Variants in AFTPH observed in about 807,000 individuals in gnomAD.
AFTPH encodes aftiphilin.
In AFTPH, 7 loss-of-function variants were observed where a neutral mutation model predicts 72.5. That is an observed-to-expected ratio of 0.10 (90% CI 0.05 to 0.18). The LOEUF (loss-of-function observed/expected upper bound fraction) is 0.18, where lower values mean the gene tolerates loss of function less well. Among genes scored for constraint, AFTPH ranks in the 10% least tolerant of loss-of-function variants. The probability of loss-of-function intolerance (pLI) is 1.00; values close to 1 mark genes in which losing one functional copy is unlikely to be tolerated. For missense variants in AFTPH, 979 were observed against 1,060.5 expected, an observed-to-expected ratio of 0.92 and a Z score of 1.07; for synonymous variants, 337 against 370.1, an observed-to-expected ratio of 0.91 and a Z score of 1.03.
chr2:64,533,485 A>G (rs1669736319), intron 1 of AFTPH, among the ~76,000 whole-genome samples: 2 of 152,190 alleles, frequency 1.3e-5, no homozygotes, highest in South Asian at 2.1e-4. Flanking sequence ...TTAAAACCCC[A>G]TTTGTGATTT....
At chr2:64,537,069 T>C (rs746489241) in intron 1 of AFTPH, among the ~76,000 whole-genome samples, 1 of 152,204 alleles carries the variant, frequency 6.6e-6, no homozygotes, top group Non-Finnish European at 1.5e-5. Context: ...TTCTCTTTTT[T>C]AATGGCTGCA....
chr2:64,543,433 T>G (rs1670378410), intron 1 of AFTPH, among the ~76,000 whole-genome samples: 1 of 152,230 alleles, frequency 6.6e-6, no homozygotes, highest in South Asian at 2.1e-4. Flanking sequence ...GTTTCTTGTT[T>G]AAAACATTTA....
chr2:64,536,973 A>AAAG (rs1162264614), intron 1 of AFTPH, among the ~76,000 whole-genome samples: 8 of 133,388 alleles, frequency 6.0e-5, no homozygotes, highest in East Asian at 4.1e-4. Context: ...AAAAAAAAAA[A>AAAG]AAGAAGAAGA....
At chr2:64,591,457 A>G (rs1673819160) in intron 8 of AFTPH, among the ~76,000 whole-genome samples, 1 of 152,248 alleles carries the variant, frequency 6.6e-6, no homozygotes, top group South Asian at 2.1e-4. Context: ...CCCTGGGCAC[A>G]CTTTGTTTCA....
chr2:64,540,629 A>G (rs7601655), intron 1 of AFTPH, among the ~76,000 whole-genome samples: 79,690 of 151,974 alleles, frequency 0.52, 23,873 homozygotes, highest in African/African-American at 0.84. Flanking sequence ...CGTGTGTTGC[A>G]GCTCATGTAA....
intron 2 of AFTPH, among the ~76,000 whole-genome samples, chr2:64,556,250 A>G (rs924625014): frequency 6.6e-6 from 1 of 152,144 alleles, no homozygotes; most frequent in African/African-American, 2.4e-5. Context: ...GGCCTCCCAA[A>G]GTGCTGGGAT....
intron 1 of AFTPH, among the ~76,000 whole-genome samples, chr2:64,547,116 T>G (rs1670690026): frequency 6.6e-6 from 1 of 152,198 alleles, no homozygotes; most frequent in African/African-American, 2.4e-5. Flanking sequence ...GATACATTGC[T>G]GCTATAGTGA....
intron 2 of AFTPH, among the ~76,000 whole-genome samples, chr2:64,556,015 T>G (rs1671347405): frequency 6.6e-6 from 1 of 150,752 alleles, no homozygotes; most frequent in Admixed American, 6.6e-5. Flanking sequence ...GGAGACAGAA[T>G]CTTGCTCTGT....
At chr2:64,555,554 G>GTCTC in intron 2 of AFTPH, among the ~76,000 whole-genome samples, 1 of 118,166 alleles carries the variant, frequency 8.5e-6, no homozygotes, top group African/African-American at 3.8e-5. Context: ...GAGAGAGACT[G>GTCTC]TCACACACAC....
At chr2:64,551,355 T>C in intron 1 of AFTPH, 88 bp from the exon 2 acceptor site, 1 of 1,028,254 alleles carries the variant, frequency 9.7e-7, no homozygotes, top group Non-Finnish European at 1.4e-6. Context: ...TAAATTTGCA[T>C]TGTTTTAAAG....
At chr2:64,540,996 C>A (rs1422421888) in intron 1 of AFTPH, among the ~76,000 whole-genome samples, 1 of 152,090 alleles carries the variant, frequency 6.6e-6, no homozygotes, top group African/African-American at 2.4e-5. Context: ...TCAATCACGT[C>A]TAATATTTTA....
At chr2:64,540,409 A>C (rs1370809994) in intron 1 of AFTPH, among the ~76,000 whole-genome samples, 6 of 152,198 alleles carry the variant, frequency 3.9e-5, no homozygotes, top group Non-Finnish European at 8.8e-5. Flanking sequence ...TGATATGATG[A>C]GTTAAAGGTA....
At chr2:64,565,509 A>G (rs1461141121) in intron 2 of AFTPH, among the ~76,000 whole-genome samples, 1 of 146,766 alleles carries the variant, frequency 6.8e-6, no homozygotes, top group African/African-American at 2.5e-5. Flanking sequence ...TGTTCATTCT[A>G]TTAGTTGCTG....
chr2:64,553,530 A>G, intron 2 of AFTPH, 121 bp downstream of exon 2: 1 of 1,060,934 alleles, frequency 9.4e-7, no homozygotes, highest in Non-Finnish European at 1.3e-6. Flanking sequence ...GTTATGATGT[A>G]TAATGCCTGT....
intron 2 of AFTPH, among the ~76,000 whole-genome samples, chr2:64,563,325 C>A (rs536029289): frequency 2.3e-4 from 35 of 152,250 alleles, no homozygotes; most frequent in African/African-American, 5.5e-4. Context: ...TATGTACCCC[C>A]AAAAAATTTT....
chr2:64,542,309 A>G (rs891232955), intron 1 of AFTPH, among the ~76,000 whole-genome samples: 1 of 151,986 alleles, frequency 6.6e-6, no homozygotes, highest in Non-Finnish European at 1.5e-5. Flanking sequence ...TGTTGGGGGT[A>G]GGAGGGTACC....
intron 7 of AFTPH, among the ~76,000 whole-genome samples, chr2:64,582,457 G>A (rs1422838591): frequency 6.6e-6 from 1 of 152,104 alleles, no homozygotes; most frequent in East Asian, 1.9e-4. Context: ...CAAGCCCCTG[G>A]TTATTCTTAC....
At chr2:64,542,957 T>G (rs543638832) in intron 1 of AFTPH, among the ~76,000 whole-genome samples, 241 of 152,326 alleles carry the variant, frequency 1.6e-3, no homozygotes, top group African/African-American at 5.6e-3. Context: ...TGGTATAGTT[T>G]TAGTACATAT....
intron 2 of AFTPH, among the ~76,000 whole-genome samples, chr2:64,558,655 A>T (rs1036607269): frequency 6.6e-6 from 1 of 152,152 alleles, no homozygotes; most frequent in Non-Finnish European, 1.5e-5. Context: ...AACAATCACA[A>T]ATCTGGCAGG....
Sources: allele counts gnomAD v4.1 joint callset (sites outside exome capture counted in the v4.1 genomes callset), GRCh38; gene constraint gnomAD v4.1.1; transcripts MANE v1.5; gene names NCBI Gene and HGNC (gene_info 2026-07-23, HGNC 2026-07-21).